The following C12orf42 variants were observed in gnomAD, a reference collection of about 807,000 sequenced individuals.
The protein encoded by C12orf42 is chromosome 12 open reading frame 42.
C12orf42 carries 25 observed loss-of-function variants against 21.6 expected under a neutral mutation model. The ratio of observed to expected loss-of-function variants is 1.16; its 90% CI spans 0.84 to 1.62. C12orf42 has a LOEUF of 1.62. Ranked by LOEUF, C12orf42 falls within the 40% of genes most tolerant of loss-of-function variation. C12orf42 has a pLI of 0.00. For synonymous variants in C12orf42, 174 were observed against 175.0 expected (o/e 0.99, Z 0.05); for missense variants, 483 against 459.3 (o/e 1.05, Z -0.47).
At chr12:103,438,035 G>A (rs559425929) in intron 2 of C12orf42, among the ~76,000 whole-genome samples, 324 of 151,084 alleles carry the variant, frequency 2.1e-3, no homozygotes, top group African/African-American at 7.5e-3. Context: ...GAATCCAGCA[G>A]CACATCAAAA....
rs774230836 is a variant in C12orf42, at chr12:103,306,351, A to G, written c.260-6T>C. The G allele has an allele frequency of 1.3e-6, 2 of 1,593,336 alleles. No homozygotes were observed. Among genetic ancestry groups the G allele is most frequent in the South Asian group, 2.3e-5 (2 of 87,468 alleles). On this transcript the variant is annotated splice_polypyrimidine_tract_variant and splice_region_variant and intron_variant, in intron 4 of 5. Coordinates refer to ENST00000548883, the MANE Select transcript of C12orf42 (RefSeq NM_198521.5). ...TTGAGTCCTTTCTGGAAATACTGTG[A>G]AAGGTAAATACATTCGTTTGAAAAA...
the C12orf42 span, among the ~76,000 whole-genome samples, chr12:103,546,740 T>G: frequency 4.6e-5 from 7 of 152,232 alleles, no homozygotes; most frequent in Non-Finnish European, 1.0e-4. Flanking sequence ...CACTTTGGCA[T>G]ATAAAATGTT....
chr12:103,439,034 A>G (rs1160318857), intron 2 of C12orf42, among the ~76,000 whole-genome samples: 1 of 152,172 alleles, frequency 6.6e-6, no homozygotes, highest in Non-Finnish European at 1.5e-5. Context: ...TAACCAAAAC[A>G]GCATGGTACT....
chr12:103,546,940 C>T, the C12orf42 span, among the ~76,000 whole-genome samples: 1 of 152,176 alleles, frequency 6.6e-6, no homozygotes, highest in Non-Finnish European at 1.5e-5. Flanking sequence ...CACTCTATTA[C>T]CCTTAGCTTG....
chr12:103,316,107 G>GTA (rs2039466908), intron 4 of C12orf42, among the ~76,000 whole-genome samples: 1 of 143,418 alleles, frequency 7.0e-6, no homozygotes, highest in African/African-American at 2.6e-5. Flanking sequence ...TACACACACA[G>GTA]TATATATATA....
At chr12:103,294,428 G>GAGAAAGAAAGAAAGAAAGAAAGAAAGAA (rs58968326) in intron 4 of C12orf42, among the ~76,000 whole-genome samples, 4 of 96,018 alleles carry the variant, frequency 4.2e-5, no homozygotes, top group Admixed American at 2.4e-4. Flanking sequence ...AAAGGAGAGA[G>GAGAAAGAAAGAAAGAAAGAAAGAAAGAA]AGAAAGAAAG....
chr12:103,134,752 C>A, the C12orf42 span, among the ~76,000 whole-genome samples: 2 of 152,142 alleles, frequency 1.3e-5, no homozygotes, highest in Non-Finnish European at 2.9e-5. Context: ...CATCCAGACA[C>A]AGGAAATCCA....
chr12:103,382,879 C>T (rs1226137371), intron 3 of C12orf42, among the ~76,000 whole-genome samples: 1 of 152,068 alleles, frequency 6.6e-6, no homozygotes, highest in Non-Finnish European at 1.5e-5. Flanking sequence ...AATCACTAAC[C>T]TTTCTAGAGT....
At chr12:103,213,230 T>C in the C12orf42 span, among the ~76,000 whole-genome samples, 1 of 152,196 alleles carries the variant, frequency 6.6e-6, no homozygotes, top group Non-Finnish European at 1.5e-5. Context: ...AATAGTACAG[T>C]GCTACTGTCA....
At position 103,256,171 on chromosome 12, in the gene C12orf42, CATATATAT is replaced by C. The variant is rs1236008334; in HGVS notation, c.*1366+7147_*1366+7154del. Among the ~76,000 whole-genome samples, 252 of 120,950 alleles carry C rather than the reference CATATATAT, an allele frequency of 2.1e-3. 2 individuals carry two copies. The highest frequency in any genetic ancestry group is 9.8e-3 in the Middle Eastern group (2 of 204). The allele number at this position is 120,950 out of a possible 152,430, so 79.3% of individuals were successfully genotyped here. A position where few individuals can be genotyped will look rare whatever the true frequency, so the allele number is the denominator to read the frequency against. Reference sequence around the variant, plus strand: ...GTATATATACACACATATATATACACATATATATACATATATATACACATATATATATA... The same window carrying C: ...GTATATATACACACATATATATACACACATATATATACACATATATATATA... On this transcript the variant is annotated intron_variant and NMD_transcript_variant, in intron 10 of 10. Coordinates refer to the C12orf42 transcript ENST00000547347.
intron 10 of C12orf42, among the ~76,000 whole-genome samples, chr12:103,238,961 A>G (rs1247554307): frequency 2.0e-5 from 3 of 152,180 alleles, no homozygotes; most frequent in African/African-American, 7.2e-5. Flanking sequence ...GCAGCTGAGG[A>G]GAATTGTGGG....
At chr12:103,277,532 T>C (rs539728575) in intron 4 of C12orf42, among the ~76,000 whole-genome samples, 72 of 152,282 alleles carry the variant, frequency 4.7e-4, no homozygotes, top group Non-Finnish European at 9.7e-4. Flanking sequence ...ATCAGAGATC[T>C]CTGGTAGTTT....
At chr12:103,219,845 C>G in the C12orf42 span, among the ~76,000 whole-genome samples, 1 of 152,136 alleles carries the variant, frequency 6.6e-6, no homozygotes, top group African/African-American at 2.4e-5. Flanking sequence ...TTATAGAAGA[C>G]AGTGTGGCAA....
chr12:103,542,296 T>G, the C12orf42 span, among the ~76,000 whole-genome samples: 5 of 152,230 alleles, frequency 3.3e-5, no homozygotes, highest in Admixed American at 1.3e-4. Flanking sequence ...CGTCTGTGAG[T>G]GCTGATGTGA....
chr12:103,334,971 G>A (rs1566099570), intron 4 of C12orf42, among the ~76,000 whole-genome samples: 1 of 151,204 alleles, frequency 6.6e-6, no homozygotes, highest in African/African-American at 2.4e-5. Flanking sequence ...CCTTTGCTTT[G>A]CCCCCTTTCA....
chr12:103,489,554 A>G (rs1474744466), intron 1 of C12orf42, among the ~76,000 whole-genome samples: 1 of 152,210 alleles, frequency 6.6e-6, no homozygotes, highest in African/African-American at 2.4e-5. Flanking sequence ...GCCCTGCCCA[A>G]AGAAGTGCCT....
chr12:103,262,898 C>T (rs931703360), intron 10 of C12orf42, among the ~76,000 whole-genome samples: 9 of 152,114 alleles, frequency 5.9e-5, no homozygotes, highest in African/African-American at 2.2e-4. Context: ...GACTCGGAAC[C>T]AACCCAAATG....
intron 3 of C12orf42, among the ~76,000 whole-genome samples, chr12:103,380,445 G>C (rs1013472755): frequency 6.6e-6 from 1 of 152,138 alleles, no homozygotes; most frequent in South Asian, 2.1e-4. Context: ...GCAGGATGGC[G>C]TCAGAGTGCT....
At chr12:103,066,461 A>G in the C12orf42 span, among the ~76,000 whole-genome samples, 53 of 152,314 alleles carry the variant, frequency 3.5e-4, no homozygotes, top group African/African-American at 1.2e-3. Flanking sequence ...TGACAGAGGA[A>G]GAAAAGACTA....
Sources: allele counts gnomAD v4.1 joint callset (sites outside exome capture counted in the v4.1 genomes callset), GRCh38; gene constraint gnomAD v4.1.1; transcripts MANE v1.5; gene names NCBI Gene and HGNC (gene_info 2026-07-23, HGNC 2026-07-21).